Variants in SORCS3 observed in about 807,000 individuals in gnomAD.
The protein encoded by SORCS3 is VPS10 domain-containing receptor SorCS3.
SORCS3 carries 57 observed loss-of-function variants against 146.3 expected under a neutral mutation model. The ratio of observed to expected loss-of-function variants is 0.39; its 90% CI spans 0.31 to 0.49. The LOEUF is 0.49. Ranked by LOEUF, SORCS3 falls within the 20% of genes least tolerant of loss-of-function variation. The pLI is 0.92. For synonymous variants in SORCS3, 653 were observed against 618.5 expected (o/e 1.06, Z -0.83); for missense variants, 1,341 against 1,575.5 (o/e 0.85, Z 2.52).
intron 3 of SORCS3, among the ~76,000 whole-genome samples, chr10:104,941,402 C>T (rs780543112): frequency 3.3e-5 from 5 of 152,098 alleles, no homozygotes; most frequent in Non-Finnish European, 7.4e-5. Flanking sequence ...TAGAAAATGT[C>T]TTTCACTTCA....
At chr10:104,721,599 C>T (rs1370977707) in intron 1 of SORCS3, among the ~76,000 whole-genome samples, 2 of 152,128 alleles carry the variant, frequency 1.3e-5, no homozygotes, top group African/African-American at 4.8e-5. Flanking sequence ...TTGATTCTTC[C>T]TACCCATGAG....
chr10:104,865,546 C>T (rs2018449884), intron 2 of SORCS3, among the ~76,000 whole-genome samples: 1 of 152,068 alleles, frequency 6.6e-6, no homozygotes, highest in East Asian at 1.9e-4. Context: ...AGCGCACTTT[C>T]AGACAGGAAA....
At chr10:104,663,227 G>A (rs2015724942) in intron 1 of SORCS3, among the ~76,000 whole-genome samples, 1 of 152,108 alleles carries the variant, frequency 6.6e-6, no homozygotes, top group South Asian at 2.1e-4. Context: ...GGCAGAGCAA[G>A]GGAAAAAAGC....
At chr10:105,252,641 A>G in intron 22 of SORCS3, 134 bp from the exon 23 acceptor site, 1 of 1,049,846 alleles carries the variant, frequency 9.5e-7, no homozygotes, top group Non-Finnish European at 1.4e-6. Context: ...CTGAATGTAT[A>G]TTGGAGCCTG....
chr10:104,855,935 C>T (rs1260934591), intron 2 of SORCS3, among the ~76,000 whole-genome samples: 1 of 152,040 alleles, frequency 6.6e-6, no homozygotes, highest in Non-Finnish European at 1.5e-5. Flanking sequence ...GGAGCCTTGC[C>T]ATGTTGTCCA....
intron 1 of SORCS3, among the ~76,000 whole-genome samples, chr10:104,785,415 A>G (rs1406211857): frequency 7.1e-6 from 1 of 140,474 alleles, no homozygotes; most frequent in Admixed American, 7.2e-5. Flanking sequence ...CCAATCCCTA[A>G]TCTCAAGTAA....
intron 4 of SORCS3, 58 bp downstream of exon 4, chr10:104,977,551 CACTT>C (rs1173782506): frequency 6.8e-7 from 1 of 1,469,412 alleles, no homozygotes; most frequent in East Asian, 2.4e-5. Context: ...ATGTGAAAAT[CACTT>C]GCTTGCTTAA....
intron 4 of SORCS3, among the ~76,000 whole-genome samples, chr10:105,030,221 T>A (rs2055256413): frequency 6.6e-6 from 1 of 152,176 alleles, no homozygotes; most frequent in African/African-American, 2.4e-5. Context: ...CACATATATA[T>A]GGGTGATGTT....
At chr10:105,125,369 C>T (rs2055966131) in intron 7 of SORCS3, among the ~76,000 whole-genome samples, 1 of 152,116 alleles carries the variant, frequency 6.6e-6, no homozygotes, top group Non-Finnish European at 1.5e-5. Flanking sequence ...ATTGTTATTA[C>T]AGCTTATGTG....
intron 3 of SORCS3, among the ~76,000 whole-genome samples, chr10:104,973,852 T>C (rs1481818321): frequency 6.7e-6 from 1 of 148,834 alleles, no homozygotes; most frequent in Non-Finnish European, 1.5e-5. Context: ...AATTTCCCTC[T>C]ACACACTGCT....
intron 15 of SORCS3, 129 bp downstream of exon 15, chr10:105,200,245 A>T: frequency 1.4e-6 from 1 of 704,978 alleles, no homozygotes; most frequent in Middle Eastern, 4.0e-4. Flanking sequence ...GTGGGTGTGG[A>T]TTTGGAGAAA....
intron 5 of SORCS3, among the ~76,000 whole-genome samples, chr10:105,052,003 C>T (rs1230679976): frequency 6.6e-6 from 1 of 152,088 alleles, no homozygotes; most frequent in Non-Finnish European, 1.5e-5. Flanking sequence ...AATGCTAAGA[C>T]TAAAATGCAG....
intron 2 of SORCS3, among the ~76,000 whole-genome samples, chr10:104,848,205 AGTT>A (rs1344790255): frequency 1.3e-5 from 2 of 152,076 alleles, no homozygotes; most frequent in East Asian, 3.9e-4. Flanking sequence ...CCATGTATTG[AGTT>A]GTCTCATACT....
At chr10:104,780,023 G>T (rs1332476929) in intron 1 of SORCS3, among the ~76,000 whole-genome samples, 1 of 152,136 alleles carries the variant, frequency 6.6e-6, no homozygotes, top group Non-Finnish European at 1.5e-5. Flanking sequence ...TATGGGGAGG[G>T]GAAGGGAGGT....
chr10:105,263,747 C>T lies in SORCS3; in HGVS notation c.*373C>T, dbSNP rs1589717434. 5 of 227,168 alleles carry T rather than the reference C, an allele frequency of 2.2e-5. No homozygotes were observed. In the East Asian group the frequency reaches 5.4e-4, roughly 25 times the overall value. The allele number at this position is 227,168 out of a possible 1,614,324, so 14.1% of individuals were successfully genotyped here. ...ACAGCAGAATCACCAACACTCTCCG[C>T]TTCCCCCAGCACACACACATACAAC... On this transcript the variant is annotated 3_prime_UTR_variant, in exon 27 of 27. Coordinates refer to ENST00000369701, the MANE Select transcript of SORCS3 (RefSeq NM_014978.3).
chr10:104,990,532 C>T (rs1254507750), intron 4 of SORCS3, among the ~76,000 whole-genome samples: 3 of 152,042 alleles, frequency 2.0e-5, no homozygotes, highest in African/African-American at 7.2e-5. Context: ...GGTTTCCACC[C>T]AGGAATTACC....
At chr10:104,669,090 C>A (rs1224283394) in intron 1 of SORCS3, among the ~76,000 whole-genome samples, 1 of 152,026 alleles carries the variant, frequency 6.6e-6, no homozygotes. Flanking sequence ...GAAGTCAGTT[C>A]ATCTTTCTGG....
intron 1 of SORCS3, among the ~76,000 whole-genome samples, chr10:104,708,602 T>C (rs1233283051): frequency 1.3e-5 from 2 of 152,214 alleles, no homozygotes; most frequent in African/African-American, 2.4e-5. Flanking sequence ...TGTTTGGATC[T>C]GGGCTGGGGA....
At chr10:104,873,342 C>T (rs759638171) in intron 2 of SORCS3, among the ~76,000 whole-genome samples, 1 of 152,180 alleles carries the variant, frequency 6.6e-6, no homozygotes, top group African/African-American at 2.4e-5. Context: ...CCTAAATGGG[C>T]TTGACAGCTT....
Sources: allele counts gnomAD v4.1 joint callset (sites outside exome capture counted in the v4.1 genomes callset), GRCh38; gene constraint gnomAD v4.1.1; transcripts MANE v1.5; gene names NCBI Gene and HGNC (gene_info 2026-07-23, HGNC 2026-07-21).